Variants in EPHB2 observed in about 807,000 individuals in gnomAD.
EPHB2 encodes the protein EPH receptor B2.
A neutral mutation model predicts 96.4 loss-of-function variants in EPHB2; 18 were observed. That is an observed-to-expected ratio of 0.19 (90% confidence interval 0.13 to 0.28). EPHB2 has a LOEUF of 0.28. Ranked by LOEUF, EPHB2 falls within the 10% of genes least tolerant of loss-of-function variation. EPHB2 has a pLI of 1.00. For missense variants in EPHB2, 989 were observed against 1,355.4 expected (o/e 0.73, Z 4.25); for synonymous variants, 506 against 534.1 (o/e 0.95, Z 0.72).
At chr1:22,792,378 A>G (rs892015565) in intron 3 of EPHB2, among the ~76,000 whole-genome samples, 1 of 152,118 alleles carries the variant, frequency 6.6e-6, no homozygotes, top group African/African-American at 2.4e-5. Context: ...CAGTTGAGGG[A>G]GAAGGAGGGG....
intron 3 of EPHB2, among the ~76,000 whole-genome samples, chr1:22,849,338 C>G (rs1371328962): frequency 6.6e-6 from 1 of 152,188 alleles, no homozygotes; most frequent in Non-Finnish European, 1.5e-5. Flanking sequence ...CGTGACCCAT[C>G]GCGAGGTGTG....
intron 7 of EPHB2, among the ~76,000 whole-genome samples, chr1:22,893,486 AC>A (rs1207176837): frequency 9.2e-5 from 14 of 152,248 alleles, no homozygotes; most frequent in African/African-American, 3.4e-4. Context: ...ATAGATTAGT[AC>A]TGTCTGCTCC....
At chr1:22,764,284 T>C (rs1644275898) in intron 1 of EPHB2, among the ~76,000 whole-genome samples, 1 of 152,202 alleles carries the variant, frequency 6.6e-6, no homozygotes, top group Admixed American at 6.5e-5. Context: ...CCACGGTCAA[T>C]ATTTTACTGA....
intron 1 of EPHB2, among the ~76,000 whole-genome samples, chr1:22,728,997 A>G (rs1643645329): frequency 6.6e-6 from 1 of 152,312 alleles, no homozygotes; most frequent in South Asian, 2.1e-4. Flanking sequence ...TTCTGTCTGG[A>G]GCGCTGCGTG....
chr1:22,732,554 T>C (rs534691137), intron 1 of EPHB2, among the ~76,000 whole-genome samples: 17 of 152,234 alleles, frequency 1.1e-4, no homozygotes, highest in Non-Finnish European at 2.1e-4. Context: ...CACACAGATA[T>C]ACACACGCAC....
Position 22,914,007 on chromosome 1 carries a change from G to C in EPHB2, c.*437G>C. ...ACAAATGTGAAGGGGAGAGACAGGG[G>C]CCGCCCTTGGCTCCTGTCCCTGCTG... On this transcript the variant is annotated 3_prime_UTR_variant, in exon 16 of 16. Transcript: ENST00000374630. 8.4e-7 allele frequency: 1 copy of C among 1,194,692 alleles called. No individual in the cohort carries two copies. The highest frequency in any genetic ancestry group is 1.1e-6 in the Non-Finnish European group (1 of 873,708). 74.0% of individuals were successfully genotyped at this position (1,194,692 alleles called of 1,614,324 possible).
chr1:22,712,432 C>T (rs574046876), intron 1 of EPHB2, among the ~76,000 whole-genome samples: 8 of 152,170 alleles, frequency 5.3e-5, no homozygotes, highest in African/African-American at 1.2e-4. Flanking sequence ...GGTTGTGGGG[C>T]GCCCCTTCCC....
chr1:22,863,531 A>C (rs1638353264), intron 4 of EPHB2, among the ~76,000 whole-genome samples: 1 of 152,226 alleles, frequency 6.6e-6, no homozygotes, highest in Non-Finnish European at 1.5e-5. Flanking sequence ...CCAGTGTTCT[A>C]ACCTGGCAGC....
intron 1 of EPHB2, among the ~76,000 whole-genome samples, chr1:22,767,240 G>A (rs932645810): frequency 2.0e-5 from 3 of 152,192 alleles, no homozygotes; most frequent in African/African-American, 7.2e-5. Context: ...CAGAGAAGGG[G>A]CATCTAACTC....
At chr1:22,879,596 C>T (rs1638964467) in intron 5 of EPHB2, among the ~76,000 whole-genome samples, 1 of 152,242 alleles carries the variant, frequency 6.6e-6, no homozygotes, top group African/African-American at 2.4e-5. Context: ...TCCAAGCCCA[C>T]CTCAGCTCCT....
At position 22,906,865 on chromosome 1, in the gene EPHB2, G is replaced by A. The variant is rs779022970; in HGVS notation, c.2044G>A (p.Val682Ile). 29 of 1,614,070 alleles carry A rather than the reference G, an allele frequency of 1.8e-5. No homozygotes were observed. Among genetic ancestry groups the A allele is most frequent in the African/African-American group, 4.0e-5 (3 of 74,920 alleles). Reference protein sequence around the residue: ...SIMGQFDHPNVIHLEGVVTKS... With the variant: ...SIMGQFDHPNIIHLEGVVTKS... ...CATGGGCCAGTTCGACCATCCCAAC[G>A]TCATCCACCTGGAGGGTGTCGTGAC... The change falls in exon 11 of 16, where the codon GTC (valine) becomes ATC (isoleucine). Residue 682 changes from valine (V) to isoleucine (I), a missense_variant. Transcript: ENST00000374630. This position sits in a 1 kb window ranked among gnomAD's most constrained non-coding sequence, Gnocchi z 4.8.
At chr1:22,766,389 C>T (rs1367311366) in intron 1 of EPHB2, among the ~76,000 whole-genome samples, 3 of 152,202 alleles carry the variant, frequency 2.0e-5, no homozygotes, top group African/African-American at 4.8e-5. Flanking sequence ...TCAAATGCAG[C>T]GTCCCGCTCA....
intron 1 of EPHB2, among the ~76,000 whole-genome samples, chr1:22,756,421 GGGCCCTGACCC>G (rs1020925103): frequency 3.9e-5 from 6 of 152,130 alleles, no homozygotes; most frequent in Non-Finnish European, 8.8e-5. Flanking sequence ...TCATGGTCCT[GGGCCCTGACCC>G]GGCCCTGACC....
intron 4 of EPHB2, among the ~76,000 whole-genome samples, chr1:22,864,003 A>G (rs966101586): frequency 6.7e-6 from 1 of 149,646 alleles, no homozygotes; most frequent in African/African-American, 2.5e-5. Context: ...GATTACAGGC[A>G]TGAGCCACCA....
intron 1 of EPHB2, among the ~76,000 whole-genome samples, chr1:22,759,684 C>A (rs1226325009): frequency 3.3e-5 from 5 of 152,212 alleles, no homozygotes; most frequent in Non-Finnish European, 7.3e-5. Flanking sequence ...CCAGGTGGCT[C>A]TGAGCCTTTG....
At position 22,790,756 on chromosome 1, in the gene EPHB2, G is replaced by A. The variant is rs1462269934; in HGVS notation, c.811+5680G>A. The stretch of plus-strand genomic sequence containing the variant: ...TGAGCATGATTGCTGCGATGCTATC[G>A]GACGTAATGGGATTTTTAATATTTA... On this transcript the variant is annotated intron_variant, in intron 3 of 15. Transcript: ENST00000374630. The surrounding 1 kb of genome is among the most constrained non-coding windows in gnomAD (Gnocchi z 4.0). Among the ~76,000 whole-genome samples the A allele has an allele frequency of 3.9e-5, 6 of 152,212 alleles. No homozygotes were observed. Among genetic ancestry groups the A allele is most frequent in the African/African-American group, 9.7e-5 (4 of 41,450 alleles).
chr1:22,824,174 C>T (rs903322002), intron 3 of EPHB2, among the ~76,000 whole-genome samples: 1 of 150,634 alleles, frequency 6.6e-6, no homozygotes, highest in Non-Finnish European at 1.5e-5. Flanking sequence ...ATGATGAATA[C>T]ATGGATCATA....
At chr1:22,886,572 G>A (rs986008576) in intron 6 of EPHB2, among the ~76,000 whole-genome samples, 10 of 151,740 alleles carry the variant, frequency 6.6e-5, no homozygotes, top group Non-Finnish European at 1.2e-4. Flanking sequence ...ATGGTAGGTA[G>A]CATGGGCTGG....
chr1:22,720,673 C>G (rs1247330423), intron 1 of EPHB2, among the ~76,000 whole-genome samples: 39 of 122,400 alleles, frequency 3.2e-4, no homozygotes, highest in African/African-American at 4.3e-4. Context: ...CCCCCCCCCC[C>G]GCCCCAGCAC....
Sources: gnomAD v4.1 joint callset for allele counts (sites outside exome capture counted in the v4.1 genomes callset) on GRCh38, gnomAD v4.1.1 for gene constraint, Gnocchi (gnomAD v3.1) non-coding constraint, MANE v1.5 for transcripts, NCBI Gene and HGNC (gene_info 2026-07-23, HGNC 2026-07-21) for gene names.